Variants in FAT2 observed in about 807,000 individuals in gnomAD.
FAT2 encodes the protein protocadherin Fat 2.
Under a neutral mutation model 295.3 loss-of-function variants are expected in FAT2, and 150 were observed. That is an observed-to-expected ratio of 0.51 (90% CI 0.44 to 0.58). The LOEUF is 0.58. Ranked by LOEUF, FAT2 falls within the 20% of genes least tolerant of loss-of-function variation. The pLI is 0.00. For missense variants in FAT2, 4,868 were observed against 5,442.7 expected (o/e 0.89, Z 3.32); for synonymous variants, 2,026 against 2,150.3 (o/e 0.94, Z 1.60).
At position 151,588,780 on chromosome 5, in the gene FAT2, T is replaced by G. The variant is rs1390125338; in HGVS notation, c.-21+2385A>C. On this transcript the variant is annotated intron_variant, in intron 1 of 23. Transcript: ENST00000261800. ...AGGTGCTGTGAGATGATACCCACTC[T>G]AGGAGGAAGAGAGAAGAATCAATTA... Among the ~76,000 whole-genome samples the G allele has an allele frequency of 2.6e-5, 4 of 152,300 alleles. No homozygotes were observed. In the East Asian group the frequency reaches 5.8e-4, roughly 22 times the overall value.
intron 22 of FAT2, chr5:151,509,737 TGTA>T (rs1761171093): frequency 3.2e-6 from 1 of 314,792 alleles, no homozygotes. Context: ...TATATTACAA[TGTA>T]ATAATAATAG....
chr5:151,586,636 A>G lies in FAT2; in HGVS notation c.-21+4529T>C, dbSNP rs563854196. On this transcript the variant is annotated intron_variant, in intron 1 of 23. Coordinates refer to ENST00000261800, the MANE Select transcript of FAT2 (RefSeq NM_001447.3). ...CACGGGCAGGTAGGTCTACCTAGCC[A>G]AAGCACTCTAACTTAAACTCCTTTA... Among the ~76,000 whole-genome samples, 19 of 152,348 alleles carry G rather than the reference A, an allele frequency of 1.2e-4. No homozygotes were observed. In the South Asian group the frequency reaches 3.9e-3, roughly 32 times the overall value.
chr5:151,540,842 G>T, intron 10 of FAT2, 79 bp from the exon 11 acceptor site: 1 of 1,311,064 alleles, frequency 7.6e-7, no homozygotes, highest in Non-Finnish European at 1.0e-6. Context: ...GCTGCCCATT[G>T]GATGCATTTT....
intron 18 of FAT2, among the ~76,000 whole-genome samples, chr5:151,523,776 A>G (rs1187254604): frequency 6.6e-6 from 1 of 152,032 alleles, no homozygotes; most frequent in Non-Finnish European, 1.5e-5. Context: ...CCCACTGGAC[A>G]CCTCTGCTTG....
intron 11 of FAT2, among the ~76,000 whole-genome samples, chr5:151,538,532 G>C (rs1755734665): frequency 6.6e-6 from 1 of 152,232 alleles, no homozygotes; most frequent in South Asian, 2.1e-4. Flanking sequence ...GGGAGTGGCA[G>C]AGGGGAAAGG....
At chr5:151,582,716 G>A (rs1437258524) in intron 1 of FAT2, among the ~76,000 whole-genome samples, 1 of 152,194 alleles carries the variant, frequency 6.6e-6, no homozygotes, top group East Asian at 1.9e-4. Context: ...TCTTTAGAAA[G>A]TGTTCAGGCT....
In FAT2 at chr5:151,517,716, T is replaced by C. The variant is rs1753009879; in HGVS notation, c.11367A>G (p.Pro3789=). The change falls in exon 20 of 24, where the codon CCA becomes CCG. Residue 3789 remains proline (P), a synonymous_variant. Transcript: ENST00000261800. ...SGQSYVRYRA[P]AARNWHIHFY... ...AATGGATGTGCCAGTTCCGAGCCGC[T>C]GGGGCCCTGTACCGCACATAGCTCT... The C allele has an allele frequency of 1.2e-6, 2 of 1,614,092 alleles. No homozygotes were observed. The highest frequency in any genetic ancestry group is 1.3e-5 in the African/African-American group (1 of 74,934).
chr5:151,561,769 T>C (rs926759816), intron 3 of FAT2, among the ~76,000 whole-genome samples: 5 of 152,166 alleles, frequency 3.3e-5, no homozygotes, highest in African/African-American at 1.2e-4. Context: ...ATGGTGGTGA[T>C]GAGAAAGGTG....
rs756275304 is a variant in FAT2 at position 151,566,417 on chromosome 5, T to C, written c.2515A>G (p.Ile839Val). ...ISEDTEVGTT[I>V]AELTTKDADS... ...GCATCTTTGGTTGTCAGCTCTGCAA[T>C]TGTGGTTCCAACTTCTGTGTCCTCC... The change falls in exon 2 of 24, where the codon ATT (isoleucine) becomes GTT (valine). Residue 839 changes from isoleucine (I) to valine (V), a missense_variant. By Grantham distance (29) the Ile-to-Val change is conservative (BLOSUM62 3). Coordinates refer to ENST00000261800, the MANE Select transcript of FAT2 (RefSeq NM_001447.3). The C allele has an allele frequency of 5.0e-6, 8 of 1,613,636 alleles. No individual in the cohort carries two copies. The highest frequency in any genetic ancestry group is 2.2e-5 in the South Asian group (2 of 91,000).
intron 10 of FAT2, 101 bp downstream of exon 10, chr5:151,542,184 A>T: frequency 8.6e-7 from 1 of 1,159,156 alleles, no homozygotes; most frequent in South Asian, 1.5e-5. Flanking sequence ...TCACACTGCT[A>T]ATAAGTGGCA....
chr5:151,569,087 T>C (rs1758421082), intron 1 of FAT2, 136 bp from the exon 2 acceptor site: 3 of 834,506 alleles, frequency 3.6e-6, no homozygotes, highest in African/African-American at 3.4e-5. Flanking sequence ...CTGACCCAGC[T>C]TGGGAGTGGT....
At position 151,565,905 on chromosome 5, in the gene FAT2, G is replaced by A; in HGVS notation, c.3027C>T (p.Ala1009=). Residue 1009 remains alanine (A), a synonymous_variant, in exon 2 of 24, where the codon GCC becomes GCT. Coordinates refer to ENST00000261800, the MANE Select transcript of FAT2 (RefSeq NM_001447.3). Reference sequence around the variant, plus strand: ...CCTCCACATGGCAGAGAGTCCTGCGGGCTAGGGGCCTCCCACCATCACTGG... The same window carrying A: ...CCTCCACATGGCAGAGAGTCCTGCGAGCTAGGGGCCTCCCACCATCACTGG... The part of the protein sequence containing the change: ...LWASDGGRPL[A]RRTLCHVEVI... 1 of 1,613,942 alleles carries A rather than the reference G, an allele frequency of 6.2e-7. No homozygotes were observed. Among genetic ancestry groups the A allele is most frequent in the Non-Finnish European group, 8.5e-7 (1 of 1,180,022 alleles).
At chr5:151,533,200 G>A (rs991928655) in intron 13 of FAT2, among the ~76,000 whole-genome samples, 2 of 152,106 alleles carry the variant, frequency 1.3e-5, no homozygotes, top group East Asian at 1.9e-4. Context: ...TGCTTAGGAA[G>A]TAGGGAGCAT....
rs1005108642 is a variant in FAT2 at position 151,531,243 on chromosome 5, T to C, written c.9811+344A>G. ...GCCCCAGATTCCAGCAAGGGCTCCC[T>C]GCCTCTGCAGCCAAGCCGTTTCTGC... On this transcript the variant is annotated intron_variant, in intron 14 of 23. Coordinates refer to ENST00000261800, the MANE Select transcript of FAT2 (RefSeq NM_001447.3). This position sits in a 1 kb window ranked among gnomAD's most constrained non-coding sequence, Gnocchi z 5.7. Among the ~76,000 whole-genome samples, 30 of 152,294 alleles carry C rather than the reference T, an allele frequency of 2.0e-4. No homozygotes were observed. The highest frequency in any genetic ancestry group is 6.7e-4 in the African/African-American group (28 of 41,560).
In FAT2 at chr5:151,531,431, G is replaced by C. The variant is rs1042704508; in HGVS notation, c.9811+156C>G. The stretch of plus-strand genomic sequence containing the variant: ...GGCCCCAGGGTGGAAGGAGGGACCT[G>C]GTACTCGGAGAGAAGCAGAAGAGAA... On this transcript the variant is annotated intron_variant, in intron 14 of 23. Transcript: ENST00000261800. This position sits in a 1 kb window ranked among gnomAD's most constrained non-coding sequence, Gnocchi z 5.7. 6.6e-6 allele frequency among the ~76,000 whole-genome samples: 1 copy of C among 152,122 alleles called. No homozygotes were observed. The highest frequency in any genetic ancestry group is 2.1e-4 in the South Asian group (1 of 4,818).
rs757144196 is a variant in FAT2, at chr5:151,566,298, T to A, written c.2634A>T (p.Thr878=). ...LHPLTGELVV[T]GHLDRESEPR... ...GCTCTGATTCGCGGTCCAGGTGTCC[T>A]GTAACAACCAGTTCCCCAGTGAGAG... is the stretch of plus-strand genomic sequence containing the variant. The change falls in exon 2 of 24, where the codon ACA becomes ACT. Residue 878 remains threonine (T), a synonymous_variant. Transcript: ENST00000261800. The A allele has an allele frequency of 6.2e-7, 1 of 1,614,136 alleles. No homozygotes were observed. Among genetic ancestry groups the A allele is most frequent in the Non-Finnish European group, 8.5e-7 (1 of 1,180,012 alleles).
rs1373372259 is a variant in FAT2 at position 151,542,874 on chromosome 5, C to T, written c.8253G>A (p.Val2751=). The T allele has an allele frequency of 3.1e-6, 5 of 1,614,068 alleles. No individual in the cohort carries two copies. The highest frequency in any genetic ancestry group is 4.2e-6 in the Non-Finnish European group (5 of 1,180,052). The change falls in exon 10 of 24, where the codon GTG becomes GTA. Residue 2751 remains valine, a synonymous_variant. Coordinates refer to ENST00000261800, the MANE Select transcript of FAT2 (RefSeq NM_001447.3). The stretch of plus-strand genomic sequence containing the variant: ...TGGATTCGTGGTCCATGGGCTTCCT[C>T]ACCTTTATGACCCCTGTGTCTGGGT... ...SLDPDTGVIK[V]RKPMDHESTK...
At chr5:151,515,758 A>C (rs1467131950) in intron 20 of FAT2, among the ~76,000 whole-genome samples, 1 of 152,058 alleles carries the variant, frequency 6.6e-6, no homozygotes, top group East Asian at 1.9e-4. Context: ...CTCTTATCCA[A>C]ATTATTGCAG....
chr5:151,566,551 T>TC lies in FAT2; in HGVS notation c.2380dup (p.Asp794GlyfsTer22). The TC allele has an allele frequency of 6.2e-7, 1 of 1,614,076 alleles. No individual in the cohort carries two copies. Among genetic ancestry groups the TC allele is most frequent in the Non-Finnish European group, 8.5e-7 (1 of 1,179,992 alleles). On this transcript the variant is annotated frameshift_variant, in exon 2 of 24. Transcript: ENST00000261800. LOFTEE classifies it high-confidence loss of function. ...GGAGGACTTCTGGGGTGTGCCCAGG[T>TC]CATATACTGTTACATTGAGGATGTA...
Sources: allele counts gnomAD v4.1 joint callset (sites outside exome capture counted in the v4.1 genomes callset), GRCh38; gene constraint gnomAD v4.1.1; non-coding constraint Gnocchi (gnomAD v3.1); transcripts MANE v1.5; gene names NCBI Gene and HGNC (gene_info 2026-07-23, HGNC 2026-07-21).